NISCH: variants seen among roughly 807,000 people sequenced by gnomAD.
NISCH encodes nischarin.
In NISCH, 55 loss-of-function variants were observed where a neutral mutation model predicts 138.4. The observed-to-expected ratio is 0.40, with a 90% CI of 0.32 to 0.50. NISCH has a LOEUF of 0.50. Among genes scored for constraint, NISCH ranks in the 20% least tolerant of loss-of-function variants. NISCH has a pLI of 0.71. For synonymous variants in NISCH, 860 were observed against 861.5 expected (o/e 1.00, Z 0.03); for missense variants, 1,643 against 2,005.5 (o/e 0.82, Z 3.45).
At chr3:52,490,553 G>A in intron 18 of NISCH, 152 bp from the exon 19 acceptor site, 2 of 1,097,254 alleles carry the variant, frequency 1.8e-6, no homozygotes, top group Non-Finnish European at 2.6e-6. Context: ...AGCTGGAAGA[G>A]GCTCCGACTC....
rs1369447064 is a variant in NISCH at position 52,491,502 on chromosome 3, A to G, written c.3893A>G (p.Asn1298Ser). 2 of 1,611,852 alleles carry G rather than the reference A, an allele frequency of 1.2e-6. No individual in the cohort carries two copies. The highest frequency in any genetic ancestry group is 3.3e-5 in the Admixed American group (2 of 59,888). The part of the protein sequence containing the change: ...VDKDFYSEFG[N>S]KTTGKMENYE... The stretch of plus-strand genomic sequence containing the variant: ...AAGGACTTCTACTCCGAGTTTGGGA[A>G]CAAGACCACAGGTACCCCTGTCTAG... The change falls in exon 20 of 21, where the codon AAC becomes AGC. Residue 1298 changes from asparagine to serine, a missense_variant. Coordinates refer to ENST00000345716, the MANE Select transcript of NISCH (RefSeq NM_007184.4).
chr3:52,476,110 C>T (rs1014048674), intron 7 of NISCH, among the ~76,000 whole-genome samples: 1 of 152,222 alleles, frequency 6.6e-6, no homozygotes, highest in African/African-American at 2.4e-5. Context: ...TGCACTCCAG[C>T]CTGGGTGACA....
rs758428708 is a variant in NISCH at position 52,492,290 on chromosome 3, C to T, written c.4323C>T (p.Asp1441=). 6.2e-7 allele frequency: 1 copy of T among 1,613,420 alleles called. No homozygotes were observed. The highest frequency in any genetic ancestry group is 1.1e-5 in the South Asian group (1 of 91,090). Residue 1441 remains aspartate (D), a synonymous_variant, in exon 21 of 21, where the codon GAC becomes GAT. Coordinates refer to ENST00000345716, the MANE Select transcript of NISCH (RefSeq NM_007184.4). ...TCTTCGATGACGTGCAAGGTCATGA[C>T]CTCATGGGCAGTGTCACCCTGGACC... ...TLVFDDVQGH[D]LMGSVTLDHF...
chr3:52,467,094 G>A (rs1009100136), intron 3 of NISCH, among the ~76,000 whole-genome samples: 7 of 142,746 alleles, frequency 4.9e-5, no homozygotes, highest in South Asian at 4.6e-4. Flanking sequence ...TCCACCTCCT[G>A]GGTTCAAGTG....
intron 16 of NISCH, 59 bp from the exon 17 acceptor site, chr3:52,489,277 T>C: frequency 6.4e-7 from 1 of 1,564,316 alleles, no homozygotes; most frequent in East Asian, 2.2e-5. Context: ...AAGCTGCACA[T>C]GCGATGTGAA....
chr3:52,470,740 T>C (rs1226178894), intron 3 of NISCH, 119 bp from the exon 4 acceptor site: 1 of 821,358 alleles, frequency 1.2e-6, no homozygotes, highest in African/African-American at 1.7e-5. Context: ...CTCCTTTCTT[T>C]AGTTTAACTT....
intron 3 of NISCH, among the ~76,000 whole-genome samples, chr3:52,462,929 C>T (rs1706677954): frequency 6.6e-6 from 1 of 152,206 alleles, no homozygotes; most frequent in African/African-American, 2.4e-5. Flanking sequence ...AGCCACCACG[C>T]CTGGCCATGG....
In NISCH at chr3:52,492,467, C is replaced by G. The variant is rs567438911; in HGVS notation, c.4500C>G (p.Val1500=). 1.2e-6 allele frequency: 2 copies of G among 1,602,108 alleles called. No homozygotes were observed. The highest frequency in any genetic ancestry group is 3.4e-5 in the Admixed American group (2 of 59,578). The change falls in exon 21 of 21, where the codon GTC becomes GTG. Residue 1500 remains valine, a synonymous_variant. Transcript: ENST00000345716. ...CCCTGTGTGGCCGTGAGCTGCCTGT[C>G]GAGCTCACCGGCTAGCCCAGGCCAC... ...WEALCGRELP[V]ELTG is the part of the protein sequence containing the mutation.
intron 3 of NISCH, among the ~76,000 whole-genome samples, chr3:52,462,156 T>C (rs1706653517): frequency 6.6e-6 from 1 of 152,214 alleles, no homozygotes; most frequent in African/African-American, 2.4e-5. Flanking sequence ...GGAATTAGTA[T>C]TATCAAACAG....
intron 1 of NISCH, 61 bp from the exon 2 acceptor site, chr3:52,457,782 G>A (rs1388708646): frequency 7.1e-6 from 8 of 1,122,074 alleles, no homozygotes; most frequent in Non-Finnish European, 1.1e-5. Flanking sequence ...TTGCTGCTGG[G>A]GGAGGAGACT....
intron 20 of NISCH, 111 bp from the exon 21 acceptor site, chr3:52,491,761 C>T: frequency 7.3e-7 from 1 of 1,375,942 alleles, no homozygotes; most frequent in Non-Finnish European, 9.9e-7. Flanking sequence ...TTGGAGCATC[C>T]TCTCCTGCCT....
At chr3:52,485,711 G>A (rs1707384373) in intron 14 of NISCH, 67 bp from the exon 15 acceptor site, 1 of 1,526,990 alleles carries the variant, frequency 6.5e-7, no homozygotes, top group African/African-American at 1.4e-5. Flanking sequence ...CTCAGGGTCT[G>A]GCAACCAGTA....
Position 52,488,183 on chromosome 3 carries a change from C to A in NISCH, c.2691C>A (p.Pro897=), listed in dbSNP as rs371639899. The A allele has an allele frequency of 6.2e-7, 1 of 1,613,222 alleles. No individual in the cohort carries two copies. The highest frequency in any genetic ancestry group is 8.5e-7 in the Non-Finnish European group (1 of 1,179,968). ...CSAVRRSCCA[P]SEAVKSAAIP... Reference sequence around the variant, plus strand: ...CCGTGCGGCGCTCCTGCTGCGCGCCCTCTGAGGCCGTCAAGTCCGCCGCCA... The same window carrying A: ...CCGTGCGGCGCTCCTGCTGCGCGCCATCTGAGGCCGTCAAGTCCGCCGCCA... Residue 897 remains proline (P), a synonymous_variant, in exon 16 of 21, where the codon CCC becomes CCA. Transcript: ENST00000345716.
chr3:52,460,727 A>C (rs1706609571), intron 3 of NISCH, among the ~76,000 whole-genome samples: 1 of 152,186 alleles, frequency 6.6e-6, no homozygotes, highest in Non-Finnish European at 1.5e-5. Context: ...TTTACAAAAA[A>C]CAAGTTGATA....
rs111273639 is a variant in NISCH at position 52,478,494 on chromosome 3, G to A, written c.1219G>A (p.Val407Met). 19 of 1,614,100 alleles carry A rather than the reference G, an allele frequency of 1.2e-5. No homozygotes were observed. The highest frequency in any genetic ancestry group is 3.3e-5 in the Admixed American group (2 of 60,000). The change falls in exon 11 of 21, where the codon GTG becomes ATG. Residue 407 changes from valine (V) to methionine (M), a missense_variant. Physicochemically the swap from Val to Met is conservative, Grantham distance 21. Transcript: ENST00000345716. ...AGGCAGCCTCCCGTGTCTGGAGCACGTGTCTCTGCTGAACAACCCTCTGAG... is the reference window on the plus strand; with the variant it reads ...AGGCAGCCTCCCGTGTCTGGAGCACATGTCTCTGCTGAACAACCCTCTGAG... ...SIGSLPCLEH[V>M]SLLNNPLSII...
At position 52,458,673 on chromosome 3, in the gene NISCH, G is replaced by A; in HGVS notation, c.189G>A (p.Glu63=). ...ATGTTTTTTTACAGCTCGTTGCAGA[G>A]AGAAAGATTGATAAAAATCTGCTTC... ...FHDLHEKLVA[E]RKIDKNLLPP... Residue 63 remains glutamate (E), a synonymous_variant, in exon 3 of 21, where the codon GAG becomes GAA. Transcript: ENST00000345716. The A allele has an allele frequency of 6.2e-7, 1 of 1,612,894 alleles. No individual in the cohort carries two copies. The highest frequency in any genetic ancestry group is 8.5e-7 in the Non-Finnish European group (1 of 1,179,730).
intron 3 of NISCH, among the ~76,000 whole-genome samples, chr3:52,465,039 A>G (rs975864196): frequency 3.9e-5 from 6 of 152,212 alleles, no homozygotes; most frequent in African/African-American, 7.2e-5. Context: ...CAATTTATCA[A>G]TTTCTTTGGT....
At chr3:52,476,288 C>G (rs1707095435) in intron 7 of NISCH, 159 bp from the exon 8 acceptor site, 1 of 730,344 alleles carries the variant, frequency 1.4e-6, no homozygotes, top group Non-Finnish European at 2.3e-6. Flanking sequence ...ATTTCACAAT[C>G]GTTTAAAGAC....
chr3:52,485,799 G>A lies in NISCH; in HGVS notation c.1675G>A (p.Asp559Asn). 1 of 1,583,366 alleles carries A rather than the reference G, an allele frequency of 6.3e-7. No homozygotes were observed. Among genetic ancestry groups the A allele is most frequent in the South Asian group, 1.2e-5 (1 of 86,764 alleles). The stretch of plus-strand genomic sequence containing the variant: ...TCAGGCAGCTTCCGATGATTTAAGG[G>A]ACGTGCCAGGAGCTGTTGGTGGTGC... The part of the protein sequence containing the change: ...AGQAASDDLR[D>N]VPGAVGGASP... Residue 559 changes from aspartate to asparagine, a missense_variant, in exon 15 of 21, where the codon GAC becomes AAC. Coordinates refer to ENST00000345716, the MANE Select transcript of NISCH (RefSeq NM_007184.4).
Sources: gnomAD v4.1 joint callset for allele counts (sites outside exome capture counted in the v4.1 genomes callset) on GRCh38, gnomAD v4.1.1 for gene constraint, MANE v1.5 for transcripts, NCBI Gene and HGNC (gene_info 2026-07-23, HGNC 2026-07-21) for gene names.